Variants in GALNTL6 observed in about 807,000 individuals in gnomAD.
GALNTL6 encodes the protein polypeptide N-acetylgalactosaminyltransferase like 6.
In GALNTL6, 46 loss-of-function variants were observed where a neutral mutation model predicts 73.7. The observed-to-expected ratio is 0.62, with a 90% CI of 0.49 to 0.80. The LOEUF (loss-of-function observed/expected upper bound fraction) is 0.80. GALNTL6 is among the 30% of genes least tolerant of loss of function. The pLI is 0.00. For synonymous variants in GALNTL6, 259 were observed against 263.7 expected (o/e 0.98, Z 0.17); for missense variants, 604 against 755.0 (o/e 0.80, Z 2.34).
intron 5 of GALNTL6, among the ~76,000 whole-genome samples, chr4:172,399,752 T>C (rs1439242304): frequency 1.3e-5 from 2 of 152,186 alleles, no homozygotes; most frequent in Admixed American, 6.6e-5. Context: ...TGGAAATTGA[T>C]GAGTTTTTCT....
intron 5 of GALNTL6, among the ~76,000 whole-genome samples, chr4:172,801,326 G>A (rs1375753139): frequency 6.6e-6 from 1 of 152,048 alleles, no homozygotes; most frequent in East Asian, 1.9e-4. Context: ...CTTCCCAAAT[G>A]CATTCTAAGA....
intron 2 of GALNTL6, among the ~76,000 whole-genome samples, chr4:171,927,405 G>A (rs1435552198): frequency 6.6e-6 from 1 of 151,940 alleles, no homozygotes; most frequent in Non-Finnish European, 1.5e-5. Context: ...ACAGAACTGA[G>A]TCTATGATTA....
chr4:172,391,495 C>T (rs370110637), intron 5 of GALNTL6, among the ~76,000 whole-genome samples: 9 of 152,114 alleles, frequency 5.9e-5, no homozygotes, highest in South Asian at 2.1e-4. Context: ...TGTGAGCCAC[C>T]GTGCCTGGCT....
chr4:172,996,480 A>G (rs1447893506), intron 10 of GALNTL6, among the ~76,000 whole-genome samples: 1 of 151,900 alleles, frequency 6.6e-6, no homozygotes, highest in East Asian at 1.9e-4. Flanking sequence ...TGTACAACAA[A>G]CCCCCATGAC....
At chr4:172,299,303 CTT>C (rs1183785677) in intron 3 of GALNTL6, among the ~76,000 whole-genome samples, 1 of 152,058 alleles carries the variant, frequency 6.6e-6, no homozygotes, top group Admixed American at 6.6e-5. Flanking sequence ...TGTTGTTGAT[CTT>C]TTCAAAAAAC....
intron 7 of GALNTL6, among the ~76,000 whole-genome samples, chr4:172,817,584 T>C (rs1271755676): frequency 6.6e-6 from 1 of 152,196 alleles, no homozygotes; most frequent in African/African-American, 2.4e-5. Flanking sequence ...GACTGGTCCA[T>C]CTTGAATTCA....
intron 4 of GALNTL6, among the ~76,000 whole-genome samples, chr4:172,332,614 G>T (rs1301633203): frequency 6.6e-6 from 1 of 151,656 alleles, no homozygotes; most frequent in Admixed American, 6.6e-5. Flanking sequence ...TTTTATCTGT[G>T]TTGGTGCAAA....
chr4:172,274,865 C>G (rs967632595), intron 3 of GALNTL6, among the ~76,000 whole-genome samples: 1 of 152,276 alleles, frequency 6.6e-6, no homozygotes, highest in African/African-American at 2.4e-5. Flanking sequence ...TGAGGCCTAA[C>G]AGTCTTTTCA....
intron 4 of GALNTL6, among the ~76,000 whole-genome samples, chr4:172,325,100 G>C (rs1740896847): frequency 6.6e-6 from 1 of 150,704 alleles, no homozygotes; most frequent in Non-Finnish European, 1.5e-5. Flanking sequence ...ATTCCAAAAA[G>C]TATTTCTAAG....
At chr4:172,833,505 T>A (rs1213733523) in intron 7 of GALNTL6, among the ~76,000 whole-genome samples, 1 of 152,158 alleles carries the variant, frequency 6.6e-6, no homozygotes, top group Non-Finnish European at 1.5e-5. Context: ...TCCAATAAGC[T>A]GCATCTCCTG....
chr4:172,921,953 CTG>C (rs1747815609), intron 8 of GALNTL6, among the ~76,000 whole-genome samples: 1 of 152,144 alleles, frequency 6.6e-6, no homozygotes, highest in African/African-American at 2.4e-5. Context: ...TATGGTTTGA[CTG>C]TGTCCCCACC....
At chr4:172,786,192 T>C (rs1443224327) in intron 5 of GALNTL6, among the ~76,000 whole-genome samples, 1 of 151,642 alleles carries the variant, frequency 6.6e-6, no homozygotes, top group Non-Finnish European at 1.5e-5. Context: ...TCGCAGCAAC[T>C]GAACTGCTTT....
intron 5 of GALNTL6, among the ~76,000 whole-genome samples, chr4:172,728,405 A>G (rs1735952042): frequency 6.6e-6 from 1 of 152,082 alleles, no homozygotes; most frequent in Non-Finnish European, 1.5e-5. Flanking sequence ...TATTTCACTT[A>G]CCATAATAGG....
intron 8 of GALNTL6, among the ~76,000 whole-genome samples, chr4:172,887,536 T>TTTTATTA (rs1745786618): frequency 1.4e-5 from 2 of 143,284 alleles, no homozygotes; most frequent in South Asian, 4.6e-4. Flanking sequence ...TATTTTAACC[T>TTTTATTA]TTTATTTATT....
chr4:172,848,343 T>G (rs983011688), intron 7 of GALNTL6, among the ~76,000 whole-genome samples: 8 of 152,214 alleles, frequency 5.3e-5, no homozygotes. Context: ...TTCATTGACC[T>G]GTATTTATTA....
intron 5 of GALNTL6, among the ~76,000 whole-genome samples, chr4:172,592,738 C>A (rs1462939706): frequency 6.7e-6 from 1 of 150,356 alleles, no homozygotes; most frequent in African/African-American, 2.4e-5. Context: ...TGAGAGGATC[C>A]TGGGATCTTC....
chr4:172,945,695 G>A (rs1459889978), intron 9 of GALNTL6, among the ~76,000 whole-genome samples: 1 of 152,202 alleles, frequency 6.6e-6, no homozygotes, highest in East Asian at 1.9e-4. Context: ...AGCTCACACA[G>A]CCTTGGGGAA....
intron 2 of GALNTL6, among the ~76,000 whole-genome samples, chr4:171,835,684 A>G (rs1238004035): frequency 6.6e-6 from 1 of 151,994 alleles, no homozygotes; most frequent in East Asian, 1.9e-4. Flanking sequence ...GTCATGTATA[A>G]TTCATTAATA....
intron 5 of GALNTL6, among the ~76,000 whole-genome samples, chr4:172,738,344 A>T (rs1736590437): frequency 6.6e-6 from 1 of 152,036 alleles, no homozygotes; most frequent in South Asian, 2.1e-4. Context: ...GCTCATCCTC[A>T]TACTTGAGCT....
Sources: gnomAD v4.1 joint callset for allele counts (sites outside exome capture counted in the v4.1 genomes callset) on GRCh38, gnomAD v4.1.1 for gene constraint, MANE v1.5 for transcripts, NCBI Gene and HGNC (gene_info 2026-07-23, HGNC 2026-07-21) for gene names.